Variants in MRPS27 observed in about 807,000 individuals in gnomAD.
The protein encoded by MRPS27 is small ribosomal subunit protein mS27.
In MRPS27, 43 loss-of-function variants were observed where a neutral mutation model predicts 48.9. The observed-to-expected ratio is 0.88, with a 90% confidence interval of 0.69 to 1.13. The LOEUF (loss-of-function observed/expected upper bound fraction) is 1.13. MRPS27 is among the 50% of genes most tolerant of loss of function. The pLI, the probability that MRPS27 is intolerant of heterozygous loss-of-function variation, is 0.00. For synonymous variants in MRPS27, 188 were observed against 171.9 expected (o/e 1.09, Z -0.73); for missense variants, 467 against 476.3 (o/e 0.98, Z 0.18).
At chr5:72,284,209 T>C (rs1216538331) in intron 4 of MRPS27, among the ~76,000 whole-genome samples, 2 of 148,958 alleles carry the variant, frequency 1.3e-5, no homozygotes, top group Non-Finnish European at 3.0e-5. Flanking sequence ...GTCCAGGAGT[T>C]CAAGACCAGC....
intron 4 of MRPS27, among the ~76,000 whole-genome samples, chr5:72,278,347 G>T (rs180705981): frequency 0.011 from 1,649 of 151,648 alleles, 27 homozygotes; most frequent in African/African-American, 0.038. Context: ...GGAGGCTGAG[G>T]CAGGAGAATG....
intron 4 of MRPS27, among the ~76,000 whole-genome samples, chr5:72,265,136 C>T (rs1749077592): frequency 6.6e-6 from 1 of 152,162 alleles, no homozygotes; most frequent in Admixed American, 6.5e-5. Flanking sequence ...TTTTAAGGAC[C>T]TTTGCTAATT....
chr5:72,305,743 C>A (rs1213435453), intron 2 of MRPS27, among the ~76,000 whole-genome samples: 2 of 152,232 alleles, frequency 1.3e-5, no homozygotes, highest in Non-Finnish European at 2.9e-5. Flanking sequence ...ACTCAAGGAG[C>A]TTCCCCATGA....
chr5:72,266,699 A>T (rs987118926), intron 4 of MRPS27, among the ~76,000 whole-genome samples: 1 of 152,270 alleles, frequency 6.6e-6, no homozygotes, highest in Admixed American at 6.5e-5. Flanking sequence ...CTCTACTAAA[A>T]ATACAAAAAA....
At chr5:72,232,581 AAG>A (rs1748091816) in intron 6 of MRPS27, 23 bp from the exon 7 acceptor site, 2 of 1,520,638 alleles carry the variant, frequency 1.3e-6, no homozygotes, top group South Asian at 2.3e-5. Context: ...GAAAGTAAAA[AAG>A]AGAGGAAATT....
intron 4 of MRPS27, among the ~76,000 whole-genome samples, chr5:72,286,044 T>C (rs534484287): frequency 7.9e-5 from 12 of 152,252 alleles, no homozygotes; most frequent in Non-Finnish European, 1.8e-4. Flanking sequence ...GGAAAAAGAA[T>C]GACTTTTGCA....
At chr5:72,241,864 G>T (rs1230917709) in intron 4 of MRPS27, among the ~76,000 whole-genome samples, 1 of 152,150 alleles carries the variant, frequency 6.6e-6, no homozygotes, top group Non-Finnish European at 1.5e-5. Flanking sequence ...TGCTCACCTC[G>T]ACAGAAGCTT....
At chr5:72,253,546 G>A (rs1025028701) in intron 4 of MRPS27, among the ~76,000 whole-genome samples, 3 of 152,166 alleles carry the variant, frequency 2.0e-5, no homozygotes, top group Admixed American at 1.3e-4. Context: ...GACAAAAGGC[G>A]AGAAGAGATC....
chr5:72,222,185 A>G (rs1747761776), intron 10 of MRPS27, among the ~76,000 whole-genome samples: 1 of 152,212 alleles, frequency 6.6e-6, no homozygotes, highest in African/African-American at 2.4e-5. Flanking sequence ...CAGGAAGAAA[A>G]GGAAATGTAA....
intron 4 of MRPS27, among the ~76,000 whole-genome samples, chr5:72,280,962 G>A (rs1299532348): frequency 1.3e-5 from 2 of 152,226 alleles, no homozygotes; most frequent in Non-Finnish European, 2.9e-5. Context: ...GGGTCAGGAA[G>A]CTTCCCCCAA....
In MRPS27 at chr5:72,257,470, G is replaced by A. The variant is rs181428093; in HGVS notation, c.282-19342C>T. Among the ~76,000 whole-genome samples the A allele has an allele frequency of 3.8e-3, 572 of 152,176 alleles. 2 individuals carry two copies. Among genetic ancestry groups the A allele is most frequent in the Non-Finnish European group, 5.8e-3 (392 of 67,988 alleles). On this transcript the variant is annotated intron_variant, in intron 4 of 10. Transcript: ENST00000261413. ...AAAAATTGACTGCTATGGCTGCTAC[G>A]TTCATCCATAATCCTCCATCAGTTG...
chr5:72,298,542 T>C (rs1198136838), intron 2 of MRPS27, among the ~76,000 whole-genome samples: 1 of 151,454 alleles, frequency 6.6e-6, no homozygotes, highest in Non-Finnish European at 1.5e-5. Flanking sequence ...CCGTCTCTAC[T>C]AAAAATACAA....
chr5:72,285,476 C>T (rs748957651), intron 4 of MRPS27, among the ~76,000 whole-genome samples: 4 of 152,094 alleles, frequency 2.6e-5, no homozygotes, highest in East Asian at 1.9e-4. Flanking sequence ...AATTGTTTCA[C>T]GTATCTAATG....
intron 4 of MRPS27, among the ~76,000 whole-genome samples, chr5:72,290,675 C>T (rs1202814398): frequency 6.6e-6 from 1 of 152,194 alleles, no homozygotes; most frequent in Non-Finnish European, 1.5e-5. Context: ...GGTAGGAACC[C>T]TTTTCTCTTC....
intron 10 of MRPS27, among the ~76,000 whole-genome samples, chr5:72,221,452 C>G (rs933333489): frequency 6.6e-6 from 1 of 152,180 alleles, no homozygotes; most frequent in African/African-American, 2.4e-5. Flanking sequence ...GATTTCTCCC[C>G]TTTCACTCAA....
chr5:72,315,128 G>GA (rs1561367100), intron 1 of MRPS27, among the ~76,000 whole-genome samples: 1 of 152,162 alleles, frequency 6.6e-6, no homozygotes, highest in East Asian at 1.9e-4. Context: ...TTTGTGCTTT[G>GA]AAGTACAATC....
intron 4 of MRPS27, among the ~76,000 whole-genome samples, chr5:72,247,959 C>T (rs4704672): frequency 0.99 from 150,315 of 152,324 alleles, 74,173 homozygotes; most frequent in East Asian, 1. Flanking sequence ...AAAATTGAGA[C>T]TTATTATTTG....
In MRPS27 at chr5:72,219,983, G is replaced by A. The variant is rs1747695362; in HGVS notation, c.*926C>T. On this transcript the variant is annotated 3_prime_UTR_variant, in exon 11 of 11. Coordinates refer to ENST00000261413, the MANE Select transcript of MRPS27 (RefSeq NM_015084.3). ...TTACATCCTAAAAACATCCCTATGG[G>A]TGCCTAAAAATGGAAATCCAGTGAG... The A allele has an allele frequency of 6.6e-6, 1 of 152,656 alleles. No individual in the cohort carries two copies. The highest frequency in any genetic ancestry group is 6.5e-5 in the Admixed American group (1 of 15,286). The allele number at this position is 152,656 out of a possible 1,614,324, so 9.5% of individuals were successfully genotyped here.
intron 4 of MRPS27, among the ~76,000 whole-genome samples, chr5:72,290,022 C>A (rs1365533485): frequency 6.6e-6 from 1 of 152,146 alleles, no homozygotes; most frequent in African/African-American, 2.4e-5. Context: ...ATGCAGTAAT[C>A]AAATACTAAC....
Sources: allele counts gnomAD v4.1 joint callset (sites outside exome capture counted in the v4.1 genomes callset), GRCh38; gene constraint gnomAD v4.1.1; transcripts MANE v1.5; gene names NCBI Gene and HGNC (gene_info 2026-07-23, HGNC 2026-07-21).